LRRC37A2: variants seen among roughly 807,000 people sequenced by gnomAD.
LRRC37A2 encodes leucine rich repeat containing 37 member A2.
A neutral mutation model predicts 68.8 loss-of-function variants in LRRC37A2; 9 were observed. The observed-to-expected ratio is 0.13, with a 90% CI of 0.08 to 0.23. The LOEUF (loss-of-function observed/expected upper bound fraction) is 0.23, where lower values mean the gene tolerates loss of function less well. Ranked by LOEUF, LRRC37A2 falls within the 10% of genes least tolerant of loss-of-function variation. The pLI, the probability that LRRC37A2 is intolerant of heterozygous loss-of-function variation, is 1.00. For missense variants in LRRC37A2, 168 were observed against 950.4 expected (o/e 0.18, Z 10.82); for synonymous variants, 63 against 367.6 (o/e 0.17, Z 9.48).
the LRRC37A2 span, among the ~76,000 whole-genome samples, chr17:46,791,399 G>A: frequency 1.3e-5 from 2 of 152,056 alleles, no homozygotes; most frequent in South Asian, 2.1e-4. Flanking sequence ...TAGAGACGGG[G>A]TTTCAACATG....
chr17:46,872,907 G>A, the LRRC37A2 span: 9 of 1,122,226 alleles, frequency 8.0e-6, no homozygotes, highest in South Asian at 1.4e-4. Context: ...CCCTAGCACG[G>A]TCCCAAATGA....
chr17:46,771,398 G>A, the LRRC37A2 span, among the ~76,000 whole-genome samples: 4 of 151,536 alleles, frequency 2.6e-5, no homozygotes, highest in Non-Finnish European at 5.9e-5. Context: ...GGGTTCACAG[G>A]GCGGGCGCCC....
the LRRC37A2 span, among the ~76,000 whole-genome samples, chr17:46,479,753 C>T: frequency 5.8e-5 from 6 of 103,538 alleles, no homozygotes; most frequent in South Asian, 4.5e-4. Context: ...GTGATCCGCC[C>T]GCCTCAGCCT....
chr17:46,752,902 G>A, the LRRC37A2 span, among the ~76,000 whole-genome samples: 1 of 152,140 alleles, frequency 6.6e-6, no homozygotes. Flanking sequence ...GAGTAGCTGG[G>A]ATTACAGGCG....
chr17:46,977,760 G>A, the LRRC37A2 span, among the ~76,000 whole-genome samples: 1 of 152,164 alleles, frequency 6.6e-6, no homozygotes, highest in Admixed American at 6.5e-5. Flanking sequence ...CCTTAGAAGG[G>A]GCTTTGGCCT....
At chr17:46,923,227 G>C in the LRRC37A2 span, 1 of 1,551,032 alleles carries the variant, frequency 6.4e-7, no homozygotes, top group Non-Finnish European at 8.7e-7. Flanking sequence ...CACAAGTGAG[G>C]GCCGGTCGGG....
At chr17:46,721,983 T>C in the LRRC37A2 span, 1 of 1,606,160 alleles carries the variant, frequency 6.2e-7, no homozygotes, top group Non-Finnish European at 8.5e-7. Flanking sequence ...GGAACAAAGA[T>C]TATGATAGCT....
chr17:46,899,614 G>A, the LRRC37A2 span, among the ~76,000 whole-genome samples: 1 of 152,180 alleles, frequency 6.6e-6, no homozygotes, highest in Non-Finnish European at 1.5e-5. Flanking sequence ...GGACTAAGGG[G>A]AGGAGGGAAT....
chr17:47,010,681 G>T, the LRRC37A2 span: 1 of 152,276 alleles, frequency 6.6e-6, no homozygotes, highest in Admixed American at 6.5e-5. Context: ...AGGAACAGGA[G>T]GCTCCTACTG....
At chr17:47,001,503 T>C in the LRRC37A2 span, among the ~76,000 whole-genome samples, 1 of 152,116 alleles carries the variant, frequency 6.6e-6, no homozygotes, top group African/African-American at 2.4e-5. Flanking sequence ...TTTATTGAGG[T>C]ATTGACATAT....
At chr17:46,731,223 G>T in the LRRC37A2 span, among the ~76,000 whole-genome samples, 96 of 152,188 alleles carry the variant, frequency 6.3e-4, no homozygotes, top group Admixed American at 1.0e-3. Flanking sequence ...CTAAGCAAAA[G>T]GAGCCAGTCA....
chr17:46,729,228 A>C, the LRRC37A2 span, among the ~76,000 whole-genome samples: 2 of 152,048 alleles, frequency 1.3e-5, no homozygotes, highest in African/African-American at 4.8e-5. Context: ...TATCCCTACT[A>C]CCTCCAACTG....
chr17:46,834,493 A>ATGGCT, the LRRC37A2 span, among the ~76,000 whole-genome samples: 2 of 152,166 alleles, frequency 1.3e-5, no homozygotes, highest in African/African-American at 4.8e-5. Context: ...GCTTTACAAC[A>ATGGCT]GGGGGTACGG....
chr17:46,731,011 C>A, the LRRC37A2 span, among the ~76,000 whole-genome samples: 2 of 152,120 alleles, frequency 1.3e-5, no homozygotes, highest in Non-Finnish European at 2.9e-5. Context: ...TATAACCCAG[C>A]TATTCCACCA....
chr17:46,911,769 A>G, the LRRC37A2 span, among the ~76,000 whole-genome samples: 3 of 152,234 alleles, frequency 2.0e-5, no homozygotes, highest in Non-Finnish European at 4.4e-5. Context: ...CTGTAGTCCC[A>G]GCTACTCAGG....
chr17:46,883,646 A>G, the LRRC37A2 span, among the ~76,000 whole-genome samples: 1 of 152,158 alleles, frequency 6.6e-6, no homozygotes, highest in Admixed American at 6.5e-5. Context: ...GCTACACAAT[A>G]AGTAGCAGGG....
the LRRC37A2 span, chr17:46,751,531 G>C: frequency 6.2e-7 from 1 of 1,613,914 alleles, no homozygotes. Context: ...GATAAGGAAC[G>C]CACCACAATT....
At chr17:46,979,184 G>A in the LRRC37A2 span, 2 of 625,932 alleles carry the variant, frequency 3.2e-6, no homozygotes, top group African/African-American at 1.9e-5. Flanking sequence ...CCTGGGCACC[G>A]GGCGGGAAGC....
chr17:46,756,061 G>A, the LRRC37A2 span: 1 of 487,924 alleles, frequency 2.0e-6, no homozygotes, highest in Non-Finnish European at 3.6e-6. Flanking sequence ...TTCCCATGCA[G>A]GCTAAAGTGA....
Sources: gnomAD v4.1 joint callset for allele counts (sites outside exome capture counted in the v4.1 genomes callset) on GRCh38, gnomAD v4.1.1 for gene constraint, MANE v1.5 for transcripts, NCBI Gene and HGNC (gene_info 2026-07-23, HGNC 2026-07-21) for gene names.